Variants in DCAF6 observed in about 807,000 individuals in gnomAD.
DCAF6 encodes DDB1- and CUL4-associated factor 6.
A neutral mutation model predicts 125.1 loss-of-function variants in DCAF6; 54 were observed. That is an observed-to-expected ratio of 0.43 (90% CI 0.35 to 0.54). The LOEUF (loss-of-function observed/expected upper bound fraction) is 0.54. Ranked by LOEUF, DCAF6 falls within the 20% of genes least tolerant of loss-of-function variation. DCAF6 has a pLI of 0.01. For synonymous variants in DCAF6, 371 were observed against 390.4 expected, an observed-to-expected ratio of 0.95 and a Z score of 0.58; for missense variants, 934 against 1,161.7, an observed-to-expected ratio of 0.80 and a Z score of 2.85.
chr1:167,924,029 G>T, the DCAF6 span, among the ~76,000 whole-genome samples: 3 of 152,290 alleles, frequency 2.0e-5, no homozygotes, highest in South Asian at 2.1e-4. Context: ...CACTGGGCTT[G>T]GAGTCAGAAG....
chr1:167,869,972 A>C, the DCAF6 span, among the ~76,000 whole-genome samples: 25,441 of 152,154 alleles, frequency 0.17, 2,475 homozygotes, highest in Middle Eastern at 0.24. Context: ...CTCAACATCT[A>C]TGCCAATTGT....
chr1:168,011,800 A>G (rs1684322228), intron 10 of DCAF6, among the ~76,000 whole-genome samples: 1 of 152,098 alleles, frequency 6.6e-6, no homozygotes, highest in African/African-American at 2.4e-5. Context: ...CAACATGGTG[A>G]AACTCCATTT....
At chr1:167,919,843 T>C in the DCAF6 span, 17 of 554,804 alleles carry the variant, frequency 3.1e-5, no homozygotes, top group Non-Finnish European at 3.9e-5. Context: ...CTTAGCATTA[T>C]ATATGAATCT....
intron 12 of DCAF6, among the ~76,000 whole-genome samples, chr1:168,036,255 T>C (rs147080084): frequency 6.6e-5 from 10 of 152,340 alleles, no homozygotes; most frequent in Non-Finnish European, 1.5e-4. Context: ...TAGATATCTA[T>C]AACTGTCTCT....
At chr1:167,935,888 C>G (rs1276505479), upstream of DCAF6, 6 of 1,424,058 alleles carry the variant, frequency 4.2e-6, no homozygotes, top group South Asian at 3.7e-5. Context: ...TGGCTGTGTT[C>G]TCGTCCCTGG....
chr1:167,873,635 T>C, the DCAF6 span, among the ~76,000 whole-genome samples: 4 of 152,210 alleles, frequency 2.6e-5, no homozygotes, highest in Admixed American at 2.6e-4. Context: ...TACTCCCCTG[T>C]CTAATCTCGA....
chr1:167,880,594 A>C, the DCAF6 span: 2 of 1,613,576 alleles, frequency 1.2e-6, no homozygotes, highest in Non-Finnish European at 1.7e-6. Flanking sequence ...CCAAAGACAC[A>C]GAGGAAAGAG....
intron 16 of DCAF6, among the ~76,000 whole-genome samples, 165 bp downstream of exon 16, chr1:168,045,392 G>A (rs747961658): frequency 7.2e-5 from 11 of 152,120 alleles, no homozygotes; most frequent in Non-Finnish European, 1.3e-4. Context: ...ATGATTTTAC[G>A]TATTATATTC....
rs138241562 is a variant in DCAF6, at chr1:168,001,300, A to G, written c.904-1182A>G. 3.9e-5 allele frequency among the ~76,000 whole-genome samples: 6 copies of G among 152,306 alleles called. No homozygotes were observed. In the East Asian group the frequency reaches 1.2e-3, roughly 29 times the overall value. The stretch of plus-strand genomic sequence containing the variant: ...GTGTGAGACCCTGCCTGGAAAAAAA[A>G]AAGTTAAAAATGTAAACATTAAAGG... On this transcript the variant is annotated intron_variant, in intron 7 of 21. Coordinates refer to ENST00000367840, the MANE Select transcript of DCAF6 (RefSeq NM_001198956.2).
At chr1:167,872,788 T>C in the DCAF6 span, among the ~76,000 whole-genome samples, 1 of 149,242 alleles carries the variant, frequency 6.7e-6, no homozygotes, top group Non-Finnish European at 1.5e-5. Flanking sequence ...AATATACACA[T>C]AGGCTGCACG....
intron 6 of DCAF6, among the ~76,000 whole-genome samples, chr1:167,992,656 C>T (rs562211704): frequency 6.6e-6 from 1 of 152,256 alleles, no homozygotes; most frequent in South Asian, 2.1e-4. Flanking sequence ...CATTCCTGGG[C>T]CCCCAGGGCA....
chr1:168,007,221 T>C (rs1683454944), intron 10 of DCAF6, among the ~76,000 whole-genome samples: 1 of 152,226 alleles, frequency 6.6e-6, no homozygotes. Context: ...GTCAATGTAG[T>C]TGCTATCCCT....
intron 1 of DCAF6, 149 bp downstream of exon 1, chr1:167,937,157 T>A: frequency 1.5e-6 from 1 of 654,308 alleles, no homozygotes; most frequent in Non-Finnish European, 2.7e-6. Flanking sequence ...GTTGCCGAAT[T>A]CCGTGCCGGT....
intron 4 of DCAF6, among the ~76,000 whole-genome samples, chr1:167,982,903 A>C (rs1489624029): frequency 1.3e-5 from 2 of 152,174 alleles, no homozygotes; most frequent in African/African-American, 4.8e-5. Flanking sequence ...TCCCAGCACC[A>C]TTTATTTAAT....
chr1:167,965,669 G>T (rs1219557808), intron 2 of DCAF6, among the ~76,000 whole-genome samples: 1 of 151,842 alleles, frequency 6.6e-6, no homozygotes, highest in East Asian at 1.9e-4. Context: ...GCTCTGTCGC[G>T]TAGGCTGGGT....
At chr1:168,038,884 GT>G (rs1179550051) in intron 13 of DCAF6, among the ~76,000 whole-genome samples, 7 of 151,960 alleles carry the variant, frequency 4.6e-5, no homozygotes, top group African/African-American at 1.7e-4. Flanking sequence ...TTTGTTTTGA[GT>G]TTTAGAATAT....
intron 2 of DCAF6, among the ~76,000 whole-genome samples, chr1:167,952,618 G>A (rs927277092): frequency 6.6e-6 from 1 of 152,064 alleles, no homozygotes; most frequent in African/African-American, 2.4e-5. Flanking sequence ...CATCTTCTCT[G>A]TCTCAGCTGA....
chr1:167,965,221 C>G (rs541789389), intron 2 of DCAF6, among the ~76,000 whole-genome samples: 13 of 152,164 alleles, frequency 8.5e-5, no homozygotes, highest in Non-Finnish European at 1.8e-4. Flanking sequence ...GTGTCTGTCA[C>G]TTAAAGAGCC....
chr1:167,981,451 G>A (rs920374679), intron 4 of DCAF6, among the ~76,000 whole-genome samples: 4 of 152,102 alleles, frequency 2.6e-5, no homozygotes, highest in African/African-American at 9.7e-5. Context: ...TGAGGCTGAG[G>A]TTTGGGGTAC....
Sources: allele counts gnomAD v4.1 joint callset (sites outside exome capture counted in the v4.1 genomes callset), GRCh38; gene constraint gnomAD v4.1.1; transcripts MANE v1.5; gene names NCBI Gene and HGNC (gene_info 2026-07-23, HGNC 2026-07-21).